The following THADA variants were observed in gnomAD, a reference collection of about 807,000 sequenced individuals.
The protein encoded by THADA is THADA armadillo repeat containing.
THADA carries 213 observed loss-of-function variants against 219.8 expected under a neutral mutation model. The observed-to-expected ratio is 0.97, with a 90% confidence interval of 0.87 to 1.09. The LOEUF is 1.09. THADA is among the 50% of genes least tolerant of loss of function. The pLI, the probability that THADA is intolerant of heterozygous loss-of-function variation, is 0.00. For missense variants in THADA, 2,956 were observed against 2,311.3 expected (o/e 1.28, Z -5.72); for synonymous variants, 1,018 against 828.9 (o/e 1.23, Z -3.92).
At chr2:43,262,696 C>T (rs1405196747) in intron 36 of THADA, among the ~76,000 whole-genome samples, 1 of 152,176 alleles carries the variant, frequency 6.6e-6, no homozygotes, top group Admixed American at 6.5e-5. Flanking sequence ...TTAGTAGTTA[C>T]TATAAAATGT....
intron 25 of THADA, among the ~76,000 whole-genome samples, chr2:43,489,785 G>C (rs781689741): frequency 6.6e-6 from 1 of 150,708 alleles, no homozygotes; most frequent in Admixed American, 6.6e-5. Flanking sequence ...TTTGAAATTG[G>C]GACCTGTGGG....
chr2:43,461,824 T>A (rs527983201), intron 26 of THADA, among the ~76,000 whole-genome samples: 15 of 152,344 alleles, frequency 9.8e-5, no homozygotes, highest in Middle Eastern at 6.8e-3. Context: ...GGTTCTGCAA[T>A]CAAAGGCCTG....
At position 43,515,263 on chromosome 2, in the gene THADA, A is replaced by T. The variant is rs867494601; in HGVS notation, c.3375-6483T>A. ...ATATAATATATTATATATAATATATAATATATAATATATAATATATTATAT... is the reference window on the plus strand; with the variant it reads ...ATATAATATATTATATATAATATATTATATATAATATATAATATATTATAT... On this transcript the variant is annotated intron_variant, in intron 22 of 37. Coordinates refer to ENST00000405975, the MANE Select transcript of THADA (RefSeq NM_022065.5). Among the ~76,000 whole-genome samples the T allele has an allele frequency of 9.3e-3, 188 of 20,228 alleles. 16 individuals carry two copies. Among genetic ancestry groups the T allele is most frequent in the Non-Finnish European group, 0.014 (147 of 10,442 alleles). 13.3% of individuals were successfully genotyped at this position (20,228 alleles called of 152,430 possible).
intron 31 of THADA, among the ~76,000 whole-genome samples, chr2:43,305,353 T>C (rs1490227877): frequency 6.6e-6 from 1 of 152,112 alleles, no homozygotes; most frequent in Non-Finnish European, 1.5e-5. Flanking sequence ...ACAAACATGT[T>C]GAATGACCTG....
intron 9 of THADA, among the ~76,000 whole-genome samples, chr2:43,577,719 T>C (rs1455754568): frequency 6.6e-6 from 1 of 152,068 alleles, no homozygotes; most frequent in Non-Finnish European, 1.5e-5. Context: ...GATTGTGGCC[T>C]AAATTATCAA....
At chr2:43,479,702 T>C (rs1370336655) in intron 26 of THADA, among the ~76,000 whole-genome samples, 12 of 152,200 alleles carry the variant, frequency 7.9e-5, no homozygotes, top group Non-Finnish European at 1.8e-4. Context: ...ACCAGAAAAC[T>C]AAGATTTCTA....
chr2:43,448,560 CTTTTTTT>C (rs71410179), intron 26 of THADA, among the ~76,000 whole-genome samples: 6 of 103,628 alleles, frequency 5.8e-5, no homozygotes, highest in South Asian at 3.5e-4. Context: ...TTCTTCCTTT[CTTTTTTT>C]TTTTTTTTTT....
chr2:43,493,808 C>T (rs1161115827), intron 25 of THADA, among the ~76,000 whole-genome samples: 1 of 152,110 alleles, frequency 6.6e-6, no homozygotes, highest in African/African-American at 2.4e-5. Flanking sequence ...AAGACTATCA[C>T]TTTTCCCCAT....
intron 30 of THADA, among the ~76,000 whole-genome samples, chr2:43,334,844 A>G (rs1666223305): frequency 6.6e-6 from 1 of 152,070 alleles, no homozygotes; most frequent in African/African-American, 2.4e-5. Context: ...ATGGCGGCCC[A>G]GACAACGGAG....
chr2:43,544,020 C>G (rs1695678419), intron 20 of THADA, among the ~76,000 whole-genome samples: 1 of 152,182 alleles, frequency 6.6e-6, no homozygotes, highest in African/African-American at 2.4e-5. Context: ...AAGTTTAAGT[C>G]TTTAATCCGT....
chr2:43,410,290 T>C (rs1169986242), intron 28 of THADA, among the ~76,000 whole-genome samples: 1 of 152,194 alleles, frequency 6.6e-6, no homozygotes, highest in Non-Finnish European at 1.5e-5. Flanking sequence ...CATACTCTAC[T>C]AGTGGGAATG....
intron 28 of THADA, among the ~76,000 whole-genome samples, chr2:43,415,574 T>A (rs1187699103): frequency 6.6e-6 from 1 of 152,198 alleles, no homozygotes; most frequent in Non-Finnish European, 1.5e-5. Context: ...AAATTCCTCA[T>A]CCTACTTAGA....
chr2:43,577,209 T>C lies in THADA; in HGVS notation c.850A>G (p.Thr284Ala). Reference sequence around the variant, plus strand: ...CTCATAAACCACTCGGGGACACTGGTGCAGTCCACTGAACGAAGCAGCACA... The same window carrying C: ...CTCATAAACCACTCGGGGACACTGGCGCAGTCCACTGAACGAAGCAGCACA... ...SSVLLRSVDC[T>A]SVPEWFMSSC... The change falls in exon 10 of 38, where the codon ACC becomes GCC. Residue 284 changes from threonine to alanine, a missense_variant. Transcript: ENST00000405975. 1 of 1,599,988 alleles carries C rather than the reference T, an allele frequency of 6.3e-7. No homozygotes were observed. The highest frequency in any genetic ancestry group is 8.5e-7 in the Non-Finnish European group (1 of 1,173,436).
intron 26 of THADA, among the ~76,000 whole-genome samples, chr2:43,446,712 AAC>A (rs1309643011): frequency 1.3e-5 from 2 of 152,240 alleles, no homozygotes; most frequent in Non-Finnish European, 2.9e-5. Context: ...ACGTAATTGA[AAC>A]ACAGTTATAA....
intron 26 of THADA, among the ~76,000 whole-genome samples, chr2:43,448,861 C>T (rs1262097575): frequency 7.9e-5 from 12 of 152,028 alleles, no homozygotes; most frequent in African/African-American, 2.2e-4. Flanking sequence ...AGAGTTACTA[C>T]ACTATTAGAT....
chr2:43,511,725 T>A (rs1690478293), intron 22 of THADA, among the ~76,000 whole-genome samples: 1 of 152,168 alleles, frequency 6.6e-6, no homozygotes, highest in Non-Finnish European at 1.5e-5. Context: ...TCCAAACTGA[T>A]GAAACTTCCT....
At chr2:43,243,995 T>G (rs1294642832) in intron 36 of THADA, among the ~76,000 whole-genome samples, 1 of 152,210 alleles carries the variant, frequency 6.6e-6, no homozygotes, top group African/African-American at 2.4e-5. Context: ...TGTTTTCATT[T>G]AAAAGAAAAG....
chr2:43,297,555 T>G (rs1572964345), intron 31 of THADA, among the ~76,000 whole-genome samples: 7 of 69,602 alleles, frequency 1.0e-4, no homozygotes, highest in Admixed American at 1.4e-4. Flanking sequence ...GGTGGGGGGG[T>G]CAGCCCCCCG....
Position 43,375,702 on chromosome 2 carries a change from A to C in THADA, c.4227+22269T>G, listed in dbSNP as rs574174023. Among the ~76,000 whole-genome samples the C allele has an allele frequency of 2.1e-3, 317 of 152,324 alleles. 1 individual carries two copies. Among genetic ancestry groups the C allele is most frequent in the African/African-American group, 7.2e-3 (299 of 41,576 alleles). On this transcript the variant is annotated intron_variant, in intron 29 of 37. Coordinates refer to ENST00000405975, the MANE Select transcript of THADA (RefSeq NM_022065.5). ...TAGGAAACTGAAAAATCTGTAGGCC[A>C]AAAGAATATAACGCTGGTTATTCTG...
Sources: allele counts gnomAD v4.1 joint callset (sites outside exome capture counted in the v4.1 genomes callset), GRCh38; gene constraint gnomAD v4.1.1; transcripts MANE v1.5; gene names NCBI Gene and HGNC (gene_info 2026-07-23, HGNC 2026-07-21).